Variants in PLCXD1 observed in about 807,000 individuals in gnomAD.
PLCXD1 encodes phosphatidylinositol specific phospholipase C X domain containing 1, also known as PI-PLC X domain-containing protein 1.
PLCXD1 carries 45 observed loss-of-function variants against 37.8 expected under a neutral mutation model. That is an observed-to-expected ratio of 1.19 (90% confidence interval 0.94 to 1.53). PLCXD1 has a LOEUF of 1.53. PLCXD1 is among the 40% of genes most tolerant of loss of function. The pLI, the probability that PLCXD1 is intolerant of heterozygous loss-of-function variation, is 0.00. For missense variants in PLCXD1, 539 were observed against 454.7 expected (o/e 1.19, Z -1.69); for synonymous variants, 246 against 206.9 (o/e 1.19, Z -1.62).
At chrX:276,892 C>T (rs1007167064), upstream of PLCXD1, among the ~76,000 whole-genome samples, 2 of 152,180 alleles carry the variant, frequency 1.3e-5, no homozygotes, top group Non-Finnish European at 2.9e-5. Flanking sequence ...GCGTCACGGC[C>T]ACTCACGCCT....
chrX:292,316 G>A (rs747826035), intron 5 of PLCXD1, among the ~76,000 whole-genome samples: 23 of 151,802 alleles, frequency 1.5e-4, no homozygotes, highest in Admixed American at 2.0e-4. Context: ...ACAATTAGCC[G>A]GGCGTGGTGG....
At chrX:291,139 CT>C (rs376663400) in intron 4 of PLCXD1, among the ~76,000 whole-genome samples, 7 of 144,964 alleles carry the variant, frequency 4.8e-5, no homozygotes, top group Non-Finnish European at 3.0e-5. Context: ...ACGGAGATTT[CT>C]TTTTTTTTTG....
At chrX:296,443 C>A (rs1423639719) in intron 6 of PLCXD1, among the ~76,000 whole-genome samples, 1 of 152,180 alleles carries the variant, frequency 6.6e-6, no homozygotes, top group African/African-American at 2.4e-5. Flanking sequence ...TGTTAAAAAC[C>A]ACTGAGAGAA....
intron 2 of PLCXD1, among the ~76,000 whole-genome samples, chrX:287,218 TAC>T (rs976499890): frequency 1.4e-5 from 2 of 145,494 alleles, no homozygotes; most frequent in East Asian, 2.0e-4. Context: ...TATATAAACA[TAC>T]ATATTTATAT....
intron 4 of PLCXD1, 78 bp from the exon 5 acceptor site, chrX:291,421 C>A: frequency 1.3e-6 from 2 of 1,527,678 alleles, no homozygotes; most frequent in Non-Finnish European, 1.8e-6. Context: ...GCTGGGATGA[C>A]AGGCGTGAGC....
At chrX:282,904 TTA>T (rs1251196221) in intron 1 of PLCXD1, among the ~76,000 whole-genome samples, 1 of 144,786 alleles carries the variant, frequency 6.9e-6, no homozygotes, top group Non-Finnish European at 1.5e-5. Context: ...TATGTCTATA[TTA>T]TATATGTATA....
In PLCXD1 at chrX:299,190, A is replaced by G. The variant is rs768368986; in HGVS notation, c.827A>G (p.Asn276Ser). The stretch of plus-strand genomic sequence containing the variant: ...TCCCTGGAGAAGATGACGCTGCCCA[A>G]CCTTCCGCGGCTGAGCGCGTGGGTC... ...SESLEKMTLP[N>S]LPRLSAWVRE... Residue 276 changes from asparagine to serine, a missense_variant, in exon 7 of 7, where the codon AAC becomes AGC. Physicochemically the swap from Asn to Ser is conservative, Grantham distance 46 (BLOSUM62 1). Coordinates refer to ENST00000381657, the MANE Select transcript of PLCXD1 (RefSeq NM_018390.4). 3.1e-6 allele frequency: 5 copies of G among 1,613,718 alleles called. No homozygotes were observed. The highest frequency in any genetic ancestry group is 1.3e-5 in the African/African-American group (1 of 74,886).
chrX:279,242 G>A, upstream of PLCXD1, among the ~76,000 whole-genome samples: 2 of 152,262 alleles, frequency 1.3e-5, no homozygotes, highest in Middle Eastern at 6.8e-3. Flanking sequence ...AACCAGTTAA[G>A]GCAGGAACTG....
At chrX:287,191 G>C (rs28669292) in intron 2 of PLCXD1, among the ~76,000 whole-genome samples, 1 of 148,976 alleles carries the variant, frequency 6.7e-6, no homozygotes, top group Non-Finnish European at 1.5e-5. Context: ...ACATTTATAT[G>C]TAAGTGTACA....
At chrX:290,349 G>A (rs1424686403) in intron 3 of PLCXD1, among the ~76,000 whole-genome samples, 3 of 151,194 alleles carry the variant, frequency 2.0e-5, no homozygotes, top group Non-Finnish European at 2.9e-5. Context: ...AGAACGGCAT[G>A]AACCCGGGAG....
upstream of PLCXD1, among the ~76,000 whole-genome samples, chrX:278,754 A>AAAT (rs1363184747): frequency 6.8e-6 from 1 of 146,364 alleles, no homozygotes; most frequent in Non-Finnish European, 1.5e-5. Context: ...AAAAAAAAAA[A>AAAT]AAGTGTGTTT....
intron 6 of PLCXD1, among the ~76,000 whole-genome samples, 155 bp from the exon 7 acceptor site, chrX:298,942 G>A (rs746457134): frequency 6.6e-6 from 1 of 152,076 alleles, no homozygotes; most frequent in Non-Finnish European, 1.5e-5. Context: ...TGCCCACCAC[G>A]CTTTATAAGC....
intron 2 of PLCXD1, among the ~76,000 whole-genome samples, chrX:287,468 T>C (rs780664872): frequency 7.0e-5 from 9 of 129,106 alleles, no homozygotes; most frequent in Non-Finnish European, 3.2e-5. Context: ...ATATAGAATA[T>C]ATACTATATA....
In PLCXD1 at chrX:282,314, G is replaced by A. The variant is rs149789392; in HGVS notation, c.-22+630G>A. ...GGAGAATTGCTTGAACCTGGGAGGC[G>A]GAGGTTGCAGTGAGCCGAGATTGCA... On this transcript the variant is annotated intron_variant, in intron 1 of 6. Coordinates refer to ENST00000381657, the MANE Select transcript of PLCXD1 (RefSeq NM_018390.4). Among the ~76,000 whole-genome samples the A allele has an allele frequency of 9.9e-3, 1,498 of 150,708 alleles. 22 individuals are homozygous for A. Among genetic ancestry groups the A allele is most frequent in the African/African-American group, 0.035 (1,413 of 40,926 alleles).
At chrX:295,031 G>A (rs896441493) in intron 6 of PLCXD1, among the ~76,000 whole-genome samples, 15 of 151,306 alleles carry the variant, frequency 9.9e-5, no homozygotes, top group African/African-American at 3.2e-4. Flanking sequence ...TTAGCTGGGC[G>A]TGGTTGTGTG....
Position 291,564 on chromosome X carries a change from C to T in PLCXD1, c.459C>T (p.Cys153=), listed in dbSNP as rs2124368585. 1 of 1,613,164 alleles carries T rather than the reference C, an allele frequency of 6.2e-7. No homozygotes were observed. Among genetic ancestry groups the T allele is most frequent in the Non-Finnish European group, 8.5e-7 (1 of 1,179,840 alleles). The change falls in exon 5 of 7, where the codon TGC becomes TGT. Residue 153 remains cysteine, a synonymous_variant. Transcript: ENST00000381657. ...RHPREVVILA[C]RNFEGLSEDL... is the part of the protein sequence containing the mutation. ...CACGCGAGGTGGTCATCCTGGCCTG[C>T]AGAAACTTCGAGGGGCTGAGCGAGG...
chrX:298,908 G>A (rs1461874636), intron 6 of PLCXD1, among the ~76,000 whole-genome samples, 189 bp from the exon 7 acceptor site: 1 of 152,122 alleles, frequency 6.6e-6, no homozygotes, highest in African/African-American at 2.4e-5. Context: ...GTGTTACGAC[G>A]TGAGCATCTT....
intron 1 of PLCXD1, among the ~76,000 whole-genome samples, chrX:282,982 ATATATATTATATG>A (rs1286569035): frequency 1.4e-5 from 2 of 146,034 alleles, no homozygotes; most frequent in East Asian, 3.9e-4. Flanking sequence ...TATATGTATA[ATATATATTATATG>A]TATATATTAT....
intron 6 of PLCXD1, among the ~76,000 whole-genome samples, chrX:297,702 A>G (rs1161404963): frequency 1.3e-4 from 6 of 46,750 alleles, no homozygotes; most frequent in Admixed American, 9.3e-4. Context: ...CTTTGGGGAC[A>G]TTATTCTGTC....
Sources: gnomAD v4.1 joint callset for allele counts (sites outside exome capture counted in the v4.1 genomes callset) on GRCh38, gnomAD v4.1.1 for gene constraint, MANE v1.5 for transcripts, NCBI Gene and HGNC (gene_info 2026-07-23, HGNC 2026-07-21) for gene names.